OR12D3: variants seen among roughly 807,000 people sequenced by gnomAD.
OR12D3 encodes olfactory receptor family 12 subfamily D member 3.
For missense variants in OR12D3, 333 were observed against 386.4 expected, an observed-to-expected ratio of 0.86 and a Z score of 1.16; for synonymous variants, 142 against 138.8, an observed-to-expected ratio of 1.02 and a Z score of -0.16.
rs750672744 is a variant in OR12D3 at position 29,375,061 on chromosome 6, A to T, written c.227T>A (p.Leu76Gln). 1.1e-5 allele frequency: 17 copies of T among 1,613,282 alleles called. No individual in the cohort carries two copies. The highest frequency in any genetic ancestry group is 1.3e-5 in the Non-Finnish European group (15 of 1,180,026). Residue 76 changes from leucine to glutamine, a missense_variant, in exon 1 of 1, where the codon CTG becomes CAG. Physicochemically the swap from Leu to Gln is moderately radical, Grantham distance 113 (BLOSUM62 -2). Coordinates refer to ENST00000396806, the MANE Select transcript of OR12D3 (RefSeq NM_030959.3). The part of the protein sequence containing the change: ...CLDISYSSVT[L>Q]PKLLVNLVCS... Reference sequence around the variant, plus strand: ...CACGAGGTTTACGAGCAGCTTGGGCAGTGTCACTGAAGAATAAGAAATATC... The same window carrying T: ...CACGAGGTTTACGAGCAGCTTGGGCTGTGTCACTGAAGAATAAGAAATATC...
Position 29,375,164 on chromosome 6 carries a change from A to G in OR12D3, c.124T>C (p.Ser42Pro), listed in dbSNP as rs1779358587. ...TCCAAAACAACCATCACCAATATAGATCCATTTCCAATCAAGTTTATCAGG... is the reference window on the plus strand; with the variant it reads ...TCCAAAACAACCATCACCAATATAGGTCCATTTCCAATCAAGTTTATCAGG... ...IYLINLIGNG[S>P]ILVMVVLEPQ... Residue 42 changes from serine (S) to proline (P), a missense_variant, in exon 1 of 1, where the codon TCT becomes CCT. Coordinates refer to ENST00000396806, the MANE Select transcript of OR12D3 (RefSeq NM_030959.3). The G allele has an allele frequency of 6.2e-7, 1 of 1,612,990 alleles. No individual in the cohort carries two copies. Among genetic ancestry groups the G allele is most frequent in the Non-Finnish European group, 8.5e-7 (1 of 1,179,998 alleles).
chr6:29,374,746 G>T lies in OR12D3; in HGVS notation c.542C>A (p.Pro181Gln), dbSNP rs146891749. 35 of 1,612,996 alleles carry T rather than the reference G, an allele frequency of 2.2e-5. No homozygotes were observed. The highest frequency in any genetic ancestry group is 1.2e-4 in the African/African-American group (9 of 74,898). ...GTCACTACAGGCCAATTCTAAGAGCGGCTTGACATCGTAGAAGAAGTGATT... is the reference window on the plus strand; with the variant it reads ...GTCACTACAGGCCAATTCTAAGAGCTGCTTGACATCGTAGAAGAAGTGATT... ...KLNHFFYDVKPLLELACSDTL... is the reference protein window; with the variant it reads ...KLNHFFYDVKQLLELACSDTL... The change falls in exon 1 of 1, where the codon CCG becomes CAG. Residue 181 changes from proline to glutamine, a missense_variant. By Grantham distance (76) the Pro-to-Gln change is moderately conservative. Coordinates refer to ENST00000396806, the MANE Select transcript of OR12D3 (RefSeq NM_030959.3).
Position 29,374,321 on chromosome 6 carries a change from A to AAGG in OR12D3, c.*15_*16insCCT. 1 of 1,527,620 alleles carries AAGG rather than the reference A, an allele frequency of 6.5e-7. No homozygotes were observed. Among genetic ancestry groups the AAGG allele is most frequent in the Middle Eastern group, 2.0e-4 (1 of 5,026 alleles). The allele number at this position is 1,527,620 out of a possible 1,614,324, so 94.6% of individuals were successfully genotyped here. A position where few individuals can be genotyped will look rare whatever the true frequency, so the allele number is the denominator to read the frequency against. ...GGAAATCAGTCTTAATAGAAATCAGATATCCCTCATTAGTCCTAGTGGTGT... is the reference window on the plus strand; with the variant it reads ...GGAAATCAGTCTTAATAGAAATCAGAAGGTATCCCTCATTAGTCCTAGTGGTGT... On this transcript the variant is annotated 3_prime_UTR_variant, in exon 1 of 1. Coordinates refer to ENST00000396806, the MANE Select transcript of OR12D3 (RefSeq NM_030959.3).
Position 29,374,464 on chromosome 6 carries a change from ATG to A in OR12D3, c.822_823del (p.Ile275HisfsTer3). 3.1e-6 allele frequency: 5 copies of A among 1,613,012 alleles called. No homozygotes were observed. Among genetic ancestry groups the A allele is most frequent in the Non-Finnish European group, 4.2e-6 (5 of 1,180,018 alleles). ...TACAGGGGTGACGGCGCTATACATGATGGCCATTATCCGGTCCTGAATCATGG... is the reference window on the plus strand; with the variant it reads ...TACAGGGGTGACGGCGCTATACATGAGCCATTATCCGGTCCTGAATCATGG... On this transcript the variant is annotated frameshift_variant, in exon 1 of 1. Transcript: ENST00000396806. LOFTEE classifies it low-confidence loss of function (END_TRUNC).
chr6:29,374,189 T>C lies in OR12D3; in HGVS notation c.*148A>G. ...ACATTATGGAATTTGTTTTGCTTGC[T>C]CCTGTGTTTCTTGAACCTACTACAC... On this transcript the variant is annotated 3_prime_UTR_variant, in exon 1 of 1. Coordinates refer to ENST00000396806, the MANE Select transcript of OR12D3 (RefSeq NM_030959.3). 1 of 629,028 alleles carries C rather than the reference T, an allele frequency of 1.6e-6. No individual in the cohort carries two copies. Among genetic ancestry groups the C allele is most frequent in the Non-Finnish European group, 2.7e-6 (1 of 370,910 alleles). The allele number at this position is 629,028 out of a possible 1,614,324, so 39.0% of individuals were successfully genotyped here.
In OR12D3 at chr6:29,374,563, G is replaced by A. The variant is rs529515155; in HGVS notation, c.725C>T (p.Ser242Phe). 3 of 1,613,048 alleles carry A rather than the reference G, an allele frequency of 1.9e-6. No individual in the cohort carries two copies. The highest frequency in any genetic ancestry group is 2.5e-6 in the Non-Finnish European group (3 of 1,180,026). The change falls in exon 1 of 1, where the codon TCC (serine) becomes TTC (phenylalanine). Residue 242 changes from serine to phenylalanine, a missense_variant. Coordinates refer to ENST00000396806, the MANE Select transcript of OR12D3 (RefSeq NM_030959.3). ...GAAAAGACATACCACCATAAAATGG[G>A]AGGCACAAGTGGACAGAGCCTTGTG... ...ILHKALSTCA[S>F]HFMVVCLFYG...
Position 29,375,132 on chromosome 6 carries a change from T to C in OR12D3, c.156A>G (p.Gln52=), listed in dbSNP as rs994960180. The stretch of plus-strand genomic sequence containing the variant: ...GAAAAAAATACATAGGGGAGTGGAG[T>C]TGTGGTTCCAAAACAACCATCACCA... ...SILVMVVLEP[Q]LHSPMYFFLG... The change falls in exon 1 of 1, where the codon CAA becomes CAG. Residue 52 remains glutamine, a synonymous_variant. Coordinates refer to ENST00000396806, the MANE Select transcript of OR12D3 (RefSeq NM_030959.3). The C allele has an allele frequency of 3.7e-6, 6 of 1,612,144 alleles. No homozygotes were observed. In the African/African-American group the frequency reaches 6.7e-5, roughly 18 times the overall value.
In OR12D3 at chr6:29,374,604, C is replaced by T. The variant is rs1779317338; in HGVS notation, c.684G>A (p.Arg228=). Residue 228 remains arginine, a synonymous_variant, in exon 1 of 1, where the codon AGG becomes AGA. Transcript: ENST00000396806. The stretch of plus-strand genomic sequence containing the variant: ...GAGCCTTGTGGAGTATTCTGCAGGA[C>T]CTGTTCTTAAACAGAAGGAAGCCAA... ...YVIGFLLFKN[R]SCRILHKALS... The T allele has an allele frequency of 6.2e-7, 1 of 1,612,874 alleles. No homozygotes were observed. The highest frequency in any genetic ancestry group is 1.3e-5 in the African/African-American group (1 of 74,900).
chr6:29,374,937 G>A lies in OR12D3; in HGVS notation c.351C>T (p.Ala117=), dbSNP rs1718386447. 6.2e-7 allele frequency: 1 copy of A among 1,613,960 alleles called. No homozygotes were observed. ...STEAILLAIM[A]FDRFVAICNP... is the part of the protein sequence containing the mutation. ...TGCAGATGGCAACAAAACGGTCAAA[G>A]GCCATGATAGCCAGTAAAATGGCCT... Residue 117 remains alanine (A), a synonymous_variant, in exon 1 of 1, where the codon GCC becomes GCT. Transcript: ENST00000396806.
Position 29,374,395 on chromosome 6 carries a change from A to G in OR12D3, c.893T>C (p.Met298Thr), listed in dbSNP as rs770060743. The change falls in exon 1 of 1, where the codon ATG (methionine) becomes ACG (threonine). Residue 298 changes from methionine (M) to threonine (T), a missense_variant. Met to Thr is a moderately conservative substitution (Grantham distance 81). Transcript: ENST00000396806. ...CCTACCAAAGATTTTCTTCAGAGCCATCATCACTTCTTTGTTCCTAAGGGT... is the reference window on the plus strand; with the variant it reads ...CCTACCAAAGATTTTCTTCAGAGCCGTCATCACTTCTTTGTTCCTAAGGGT... ...IYTLRNKEVM[M>T]ALKKIFGRKL... The G allele has an allele frequency of 2.9e-5, 46 of 1,612,878 alleles. No individual in the cohort carries two copies. Among genetic ancestry groups the G allele is most frequent in the Non-Finnish European group, 3.4e-6 (4 of 1,180,026 alleles).
chr6:29,374,720 T>C lies in OR12D3; in HGVS notation c.568A>G (p.Thr190Ala), dbSNP rs1239010060. 6.2e-7 allele frequency: 1 copy of C among 1,612,480 alleles called. No homozygotes were observed. The highest frequency in any genetic ancestry group is 8.5e-7 in the Non-Finnish European group (1 of 1,180,038). The change falls in exon 1 of 1, where the codon ACA becomes GCA. Residue 190 changes from threonine to alanine, a missense_variant. Coordinates refer to ENST00000396806, the MANE Select transcript of OR12D3 (RefSeq NM_030959.3). ...KPLLELACSD[T>A]LLNQWLLSIV... Reference sequence around the variant, plus strand: ...GAAAGAAGCCATTGATTGAGTAATGTGTCACTACAGGCCAATTCTAAGAGC... The same window carrying C: ...GAAAGAAGCCATTGATTGAGTAATGCGTCACTACAGGCCAATTCTAAGAGC...
Position 29,374,338 on chromosome 6 carries a change from T to C in OR12D3, c.950A>G (p.Ter317TrpextTer2). ...GAAATCAGATATCCCTCATTAGTCC[T>C]AGTGGTGTTGCTGCCAGTCTTTAAA... is the stretch of plus-strand genomic sequence containing the variant. The part of the protein sequence containing the change: ...KLFKDWQQHH[*>W] The change falls in exon 1 of 1, where the codon TAG (stop) becomes TGG (tryptophan). Residue 317 changes from the stop codon to tryptophan, a stop_lost. Transcript: ENST00000396806. The C allele has an allele frequency of 1.3e-6, 2 of 1,599,874 alleles. No homozygotes were observed. Among genetic ancestry groups the C allele is most frequent in the Non-Finnish European group, 1.7e-6 (2 of 1,170,714 alleles).
chr6:29,373,940 T>G lies in OR12D3; in HGVS notation c.*397A>C, dbSNP rs780368085. 7 of 399,482 alleles carry G rather than the reference T, an allele frequency of 1.8e-5. No individual in the cohort carries two copies. Among genetic ancestry groups the G allele is most frequent in the Non-Finnish European group, 3.1e-5 (7 of 226,858 alleles). The allele number at this position is 399,482 out of a possible 1,614,324, so 24.7% of individuals were successfully genotyped here. A position where few individuals can be genotyped will look rare whatever the true frequency, so the allele number is the denominator to read the frequency against. ...AAAAAAAATAGGCAAAAATAAAGAT[T>G]ATCTCATATGGAATTTCAGTAAGAT... On this transcript the variant is annotated 3_prime_UTR_variant, in exon 1 of 1. Transcript: ENST00000396806.
rs1779269543 is a variant in OR12D3 at position 29,374,036 on chromosome 6, GA to G, written c.*300del. On this transcript the variant is annotated 3_prime_UTR_variant, in exon 1 of 1. Transcript: ENST00000396806. ...ATGCCACATTCTTTTTTACACAGCA[GA>G]TTCCTACTCTAACCCTCCCCATACT... 1 of 410,876 alleles carries G rather than the reference GA, an allele frequency of 2.4e-6. No homozygotes were observed. Among genetic ancestry groups the G allele is most frequent in the African/African-American group, 2.1e-5 (1 of 48,716 alleles). The allele number at this position is 410,876 out of a possible 1,614,324, so 25.5% of individuals were successfully genotyped here.
At position 29,374,969 on chromosome 6, in the gene OR12D3, T is replaced by C; in HGVS notation, c.319A>G (p.Ser107Gly). The C allele has an allele frequency of 1.2e-6, 2 of 1,613,894 alleles. No individual in the cohort carries two copies. Among genetic ancestry groups the C allele is most frequent in the South Asian group, 1.1e-5 (1 of 91,082 alleles). ...ATAGCCAGTAAAATGGCCTCTGTGCTTCCCAAAAAGTGGAAGAAGTGTAGC... is the reference window on the plus strand; with the variant it reads ...ATAGCCAGTAAAATGGCCTCTGTGCCTCCCAAAAAGTGGAAGAAGTGTAGC... ...TQLHFFHFLG[S>G]TEAILLAIMA... Residue 107 changes from serine (S) to glycine (G), a missense_variant, in exon 1 of 1, where the codon AGC (serine) becomes GGC (glycine). Physicochemically the swap from Ser to Gly is moderately conservative, Grantham distance 56. Transcript: ENST00000396806.
chr6:29,375,098 G>A lies in OR12D3; in HGVS notation c.190C>T (p.Leu64Phe), dbSNP rs780883178. The A allele has an allele frequency of 1.6e-5, 26 of 1,612,512 alleles. No individual in the cohort carries two copies. Among genetic ancestry groups the A allele is most frequent in the African/African-American group, 1.1e-4 (8 of 74,840 alleles). The change falls in exon 1 of 1, where the codon CTT becomes TTT. Residue 64 changes from leucine (L) to phenylalanine (F), a missense_variant. Transcript: ENST00000396806. Reference sequence around the variant, plus strand: ...GAATAAGAAATATCCAGACAAGAAAGGTTTCCCAGAAAAAAATACATAGGG... The same window carrying A: ...GAATAAGAAATATCCAGACAAGAAAAGTTTCCCAGAAAAAAATACATAGGG... ...HSPMYFFLGN[L>F]SCLDISYSSV...
Position 29,374,770 on chromosome 6 carries a change from T to C in OR12D3, c.518A>G (p.Asn173Ser), listed in dbSNP as rs762953611. ...HLSFCGSQKL[N>S]HFFYDVKPLL... Reference sequence around the variant, plus strand: ...CGGCTTGACATCGTAGAAGAAGTGATTGAGTTTCTGAGAGCCACAAAAACT... The same window carrying C: ...CGGCTTGACATCGTAGAAGAAGTGACTGAGTTTCTGAGAGCCACAAAAACT... The change falls in exon 1 of 1, where the codon AAT (asparagine) becomes AGT (serine). Residue 173 changes from asparagine (N) to serine (S), a missense_variant. By Grantham distance (46) the Asn-to-Ser change is conservative (BLOSUM62 1). Transcript: ENST00000396806. 5 of 1,613,280 alleles carry C rather than the reference T, an allele frequency of 3.1e-6. No homozygotes were observed. In the South Asian group the frequency reaches 3.3e-5, roughly 11 times the overall value.
In OR12D3 at chr6:29,375,289, G is replaced by T. The variant is rs760908553; in HGVS notation, c.-2C>A. On this transcript the variant is annotated 5_prime_UTR_variant, in exon 1 of 1. Transcript: ENST00000396806. ...ATTCATTGTAGTGACATTCTCCATT[G>T]CTCTGGGAAGCAAATTTAACAATAA... is the stretch of plus-strand genomic sequence containing the variant. 2.6e-6 allele frequency: 4 copies of T among 1,526,532 alleles called. No homozygotes were observed. In the South Asian group the frequency reaches 3.8e-5, roughly 14 times the overall value. 94.6% of individuals were successfully genotyped at this position (1,526,532 alleles called of 1,614,324 possible).
Position 29,374,517 on chromosome 6 carries a change from T to A in OR12D3, c.771A>T (p.Thr257=). ...VCLFYGPVGF[T]YIRPASATSM... is the part of the protein sequence containing the mutation. Reference sequence around the variant, plus strand: ...AGGTGGCTGAAGCAGGACGAATATATGTGAAGCCCACAGGTCCATAGAAAA... The same window carrying A: ...AGGTGGCTGAAGCAGGACGAATATAAGTGAAGCCCACAGGTCCATAGAAAA... Residue 257 remains threonine, a synonymous_variant, in exon 1 of 1, where the codon ACA becomes ACT. Coordinates refer to ENST00000396806, the MANE Select transcript of OR12D3 (RefSeq NM_030959.3). 6.2e-7 allele frequency: 1 copy of A among 1,612,970 alleles called. No homozygotes were observed.
Sources: allele counts gnomAD v4.1 joint callset, GRCh38; gene constraint gnomAD v4.1.1; transcripts MANE v1.5; gene names NCBI Gene and HGNC (gene_info 2026-07-23, HGNC 2026-07-21).